PARVG: variants seen among roughly 807,000 people sequenced by gnomAD.
The protein encoded by PARVG is gamma-parvin.
A neutral mutation model predicts 44.4 loss-of-function variants in PARVG; 36 were observed. The ratio of observed to expected loss-of-function variants is 0.81; its 90% CI spans 0.62 to 1.07. PARVG has a LOEUF of 1.07. Ranked by LOEUF, PARVG falls within the 50% of genes least tolerant of loss-of-function variation. The pLI, the probability that PARVG is intolerant of heterozygous loss-of-function variation, is 0.00. For synonymous variants in PARVG, 170 were observed against 174.1 expected (o/e 0.98, Z 0.19); for missense variants, 407 against 407.4 (o/e 1.00, Z 0.01).
intron 5 of PARVG, 60 bp from the exon 6 acceptor site, chr22:44,189,054 C>G: frequency 6.2e-7 from 1 of 1,608,350 alleles, no homozygotes; most frequent in Non-Finnish European, 8.5e-7. Flanking sequence ...TGGAGGGTCC[C>G]TGAGGTGCTC....
intron 12 of PARVG, among the ~76,000 whole-genome samples, 154 bp from the exon 13 acceptor site, chr22:44,205,603 G>A (rs1388324613): frequency 2.0e-5 from 3 of 152,328 alleles, no homozygotes; most frequent in African/African-American, 2.4e-5. Context: ...GGATGACCAC[G>A]GATTGTGGTC....
rs901058059 is a variant in PARVG at position 44,201,087 on chromosome 22, G to A, written c.813+2365G>A. On this transcript the variant is annotated intron_variant, in intron 12 of 13. Coordinates refer to ENST00000444313, the MANE Select transcript of PARVG (RefSeq NM_022141.7). ...TCCTCCCCCATTCCCTCACATCCAC[G>A]CAGGCTGTGCTCTCAGCCCAGCCTA... Among the ~76,000 whole-genome samples the A allele has an allele frequency of 5.3e-5, 8 of 152,014 alleles. No individual in the cohort carries two copies. In the Middle Eastern group the frequency reaches 0.01, roughly 194 times the overall value.
At chr22:44,205,884 C>G in intron 13 of PARVG, 55 bp downstream of exon 13, 4 of 1,577,906 alleles carry the variant, frequency 2.5e-6, no homozygotes, top group Non-Finnish European at 3.5e-6. Flanking sequence ...CAGCCTTGTG[C>G]GAGAGCCACA....
exon 1 of PARVG, chr22:44,173,074 T>G: frequency 7.8e-7 from 1 of 1,289,692 alleles, no homozygotes; most frequent in Non-Finnish European, 1.0e-6. Flanking sequence ...GACCTTCCAA[T>G]TGGACAGGAG....
At chr22:44,191,902 C>T (rs2054553520) in intron 7 of PARVG, 147 bp from the exon 8 acceptor site, 2 of 876,304 alleles carry the variant, frequency 2.3e-6, no homozygotes, top group Admixed American at 2.3e-5. Flanking sequence ...AGACACATCC[C>T]CAACCTCAAG....
At chr22:44,174,088 G>A (rs1006124876) in intron 1 of PARVG, among the ~76,000 whole-genome samples, 4 of 152,242 alleles carry the variant, frequency 2.6e-5, no homozygotes, top group African/African-American at 4.8e-5. Context: ...CTGTTCAGCA[G>A]TCGTTTACCA....
At chr22:44,191,951 C>T (rs2054554022) in intron 7 of PARVG, 98 bp from the exon 8 acceptor site, 9 of 1,364,008 alleles carry the variant, frequency 6.6e-6, no homozygotes, top group Middle Eastern at 1.8e-4. Context: ...AGAGGCTGTC[C>T]TGAGGAGGGA....
intron 2 of PARVG, chr22:44,183,094 C>T (rs751841928): frequency 5.0e-5 from 26 of 521,062 alleles, no homozygotes; most frequent in Non-Finnish European, 6.0e-5. Flanking sequence ...TGGCTGTGCC[C>T]GCCCTCAGCT....
intron 1 of PARVG, among the ~76,000 whole-genome samples, chr22:44,173,768 A>G (rs2147208994): frequency 6.6e-6 from 1 of 152,270 alleles, no homozygotes; most frequent in East Asian, 1.9e-4. Flanking sequence ...ATCTTTGGCA[A>G]TGTCTGGAGA....
chr22:44,176,100 G>A (rs531862195), upstream of PARVG, among the ~76,000 whole-genome samples: 45 of 152,286 alleles, frequency 3.0e-4, no homozygotes, highest in African/African-American at 1.0e-3. Context: ...TTCTTAAAAT[G>A]TATTGCCAAG....
At chr22:44,186,970 T>C (rs1639731074) in intron 4 of PARVG, 2 of 289,574 alleles carry the variant, frequency 6.9e-6, no homozygotes, top group Non-Finnish European at 1.4e-5. Flanking sequence ...CTTGATTCCC[T>C]GGCACTCTGA....
intron 12 of PARVG, among the ~76,000 whole-genome samples, chr22:44,203,770 C>G (rs887288680): frequency 6.6e-6 from 1 of 152,254 alleles, no homozygotes; most frequent in East Asian, 1.9e-4. Context: ...GGTCTGTCCA[C>G]TCGGAGCTTC....
intron 8 of PARVG, 52 bp downstream of exon 8, chr22:44,192,156 T>TTG: frequency 1.1e-5 from 12 of 1,140,856 alleles, no homozygotes; most frequent in Non-Finnish European, 1.4e-5. Context: ...CAGCGGTGGA[T>TTG]GGGGGCAGGG....
intron 12 of PARVG, among the ~76,000 whole-genome samples, chr22:44,199,953 G>T (rs1004616455): frequency 6.6e-6 from 1 of 152,164 alleles, no homozygotes; most frequent in Admixed American, 6.5e-5. Context: ...CCAGGCATGA[G>T]GGCTGTGGCT....
At chr22:44,204,714 G>A (rs1245942063) in intron 12 of PARVG, among the ~76,000 whole-genome samples, 1 of 152,238 alleles carries the variant, frequency 6.6e-6, no homozygotes, top group East Asian at 1.9e-4. Context: ...GAGGGAACGG[G>A]ACCAGCACAG....
intron 8 of PARVG, among the ~76,000 whole-genome samples, chr22:44,192,381 G>A (rs1198211283): frequency 6.6e-6 from 1 of 152,148 alleles, no homozygotes; most frequent in African/African-American, 2.4e-5. Context: ...ACAGGGCCCA[G>A]TGAATCTGTC....
chr22:44,190,707 G>T, intron 7 of PARVG, 41 bp downstream of exon 7: 1 of 1,529,886 alleles, frequency 6.5e-7, no homozygotes. Context: ...CAGAAGCTGA[G>T]CCTCTTGGGC....
intron 1 of PARVG, among the ~76,000 whole-genome samples, chr22:44,173,960 C>G (rs2054294762): frequency 6.6e-6 from 1 of 152,086 alleles, no homozygotes; most frequent in South Asian, 2.1e-4. Context: ...TTCGCCTGCA[C>G]TTTTATTGGG....
Position 44,207,853 on chromosome 22 carries a change from A to G in PARVG, c.*1427A>G, listed in dbSNP as rs949295292. 1.3e-5 allele frequency: 2 copies of G among 152,290 alleles called. No individual in the cohort carries two copies. The highest frequency in any genetic ancestry group is 2.4e-5 in the African/African-American group (1 of 41,424). The allele number at this position is 152,290 out of a possible 1,614,324, so 9.4% of individuals were successfully genotyped here. On this transcript the variant is annotated 3_prime_UTR_variant, in exon 14 of 14. Transcript: ENST00000444313. ...AAACCCAAGCCCATAAGCGTGTTCC[A>G]CGTGAGCACTCAGATGCACCCCTCT...
Sources: gnomAD v4.1 joint callset for allele counts (sites outside exome capture counted in the v4.1 genomes callset) on GRCh38, gnomAD v4.1.1 for gene constraint, MANE v1.5 for transcripts, NCBI Gene and HGNC (gene_info 2026-07-23, HGNC 2026-07-21) for gene names.